The following MTHFD1 variants were observed in gnomAD, a reference collection of about 807,000 sequenced individuals.
MTHFD1 encodes C-1-tetrahydrofolate synthase, cytoplasmic.
A neutral mutation model predicts 110.3 loss-of-function variants in MTHFD1; 44 were observed. That is an observed-to-expected ratio of 0.40 (90% CI 0.31 to 0.51). MTHFD1 has a LOEUF of 0.51. Ranked by LOEUF, MTHFD1 falls within the 20% of genes least tolerant of loss-of-function variation. The pLI is 0.60. For synonymous variants in MTHFD1, 402 were observed against 428.8 expected, an observed-to-expected ratio of 0.94 and a Z score of 0.77; for missense variants, 909 against 1,173.1, an observed-to-expected ratio of 0.77 and a Z score of 3.29.
At chr14:64,404,797 C>T (rs2077924703) in intron 2 of MTHFD1, among the ~76,000 whole-genome samples, 1 of 152,014 alleles carries the variant, frequency 6.6e-6, no homozygotes, top group South Asian at 2.1e-4. Context: ...ATGGTGAGAA[C>T]TCATCTCTAC....
intron 1 of MTHFD1, among the ~76,000 whole-genome samples, chr14:64,393,986 C>T (rs1323104421): frequency 1.3e-5 from 2 of 152,018 alleles, no homozygotes; most frequent in Admixed American, 1.3e-4. Context: ...CTGACGTTGC[C>T]CCAAGGATTA....
At chr14:64,420,296 G>A (rs936778431) in intron 8 of MTHFD1, among the ~76,000 whole-genome samples, 1 of 152,146 alleles carries the variant, frequency 6.6e-6, no homozygotes, top group African/African-American at 2.4e-5. Context: ...AGTGCTATGA[G>A]AGTCCAGAAG....
intron 8 of MTHFD1, chr14:64,424,168 A>T: frequency 6.3e-6 from 1 of 157,920 alleles, no homozygotes; most frequent in South Asian, 1.9e-4. Flanking sequence ...CACTGAAGCC[A>T]AGTGTAGGAT....
At chr14:64,396,025 A>T (rs1000382194) in intron 1 of MTHFD1, among the ~76,000 whole-genome samples, 7 of 152,224 alleles carry the variant, frequency 4.6e-5, no homozygotes, top group African/African-American at 1.4e-4. Flanking sequence ...GAAGAACTTT[A>T]CATTATAAAC....
Position 64,431,839 on chromosome 14 carries a change from A to C in MTHFD1, c.1472A>C (p.Asp491Ala), listed in dbSNP as rs2078162845. 1 of 1,614,072 alleles carries C rather than the reference A, an allele frequency of 6.2e-7. No individual in the cohort carries two copies. ...PSVNGVRRFS[D>A]IQIRRLKRLG... ...GTAAATGGAGTGAGAAGGTTCTCTG[A>C]CATCCAAATCCGAAGGTTAAAGGTA... Residue 491 changes from aspartate to alanine, a missense_variant, in exon 15 of 28, where the codon GAC (aspartate) becomes GCC (alanine). Physicochemically the swap from Asp to Ala is moderately radical, Grantham distance 126. This residue lies in a region of MTHFD1 where 482 missense variants were observed against 646.0 expected (regional missense o/e 0.75). Coordinates refer to ENST00000652337, the MANE Select transcript of MTHFD1 (RefSeq NM_005956.4).
chr14:64,389,711 A>G lies in MTHFD1; in HGVS notation c.41+1243A>G, dbSNP rs560834869. Among the ~76,000 whole-genome samples the G allele has an allele frequency of 6.2e-5, 9 of 145,724 alleles. No individual in the cohort carries two copies. In the South Asian group the frequency reaches 1.5e-3, roughly 25 times the overall value. On this transcript the variant is annotated intron_variant, in intron 1 of 27. Coordinates refer to ENST00000652337, the MANE Select transcript of MTHFD1 (RefSeq NM_005956.4). ...CAACAAGAGCGAAACTCCGTCTAAG[A>G]AAAAAAAAAAAAGAAATCACAATAC...
At chr14:64,413,493 G>A (rs2078001708) in intron 4 of MTHFD1, among the ~76,000 whole-genome samples, 1 of 152,160 alleles carries the variant, frequency 6.6e-6, no homozygotes, top group Non-Finnish European at 1.5e-5. Flanking sequence ...GCCTGTAGGT[G>A]GGAGATTAAT....
chr14:64,406,687 C>G (rs1262550446), intron 2 of MTHFD1, among the ~76,000 whole-genome samples: 2 of 151,930 alleles, frequency 1.3e-5, no homozygotes, highest in Non-Finnish European at 2.9e-5. Context: ...ATTGCCCAGG[C>G]TAGTCTCAGA....
chr14:64,407,213 CCCA>C (rs1489801585), intron 2 of MTHFD1, among the ~76,000 whole-genome samples: 2 of 152,042 alleles, frequency 1.3e-5, no homozygotes, highest in African/African-American at 2.4e-5. Context: ...CGCCTGTAAT[CCCA>C]CCACTTTAGG....
Position 64,426,138 on chromosome 14 carries a change from C to T in MTHFD1, c.1073C>T (p.Ser358Leu), listed in dbSNP as rs775706361. 5.0e-6 allele frequency: 8 copies of T among 1,614,152 alleles called. No individual in the cohort carries two copies. The highest frequency in any genetic ancestry group is 5.9e-6 in the Non-Finnish European group (7 of 1,180,028). Residue 358 changes from serine to leucine, a missense_variant, in exon 11 of 28, where the codon TCA (serine) becomes TTA (leucine). By Grantham distance (145) the Ser-to-Leu change is moderately radical. This residue lies in a region of MTHFD1 where 424 missense variants were observed against 510.4 expected (regional missense o/e 0.83). Coordinates refer to ENST00000652337, the MANE Select transcript of MTHFD1 (RefSeq NM_005956.4). Reference protein sequence around the residue: ...YGETKAKVLLSALERLKHRPD... With the variant: ...YGETKAKVLLLALERLKHRPD... ...GAAACAAAGGCCAAAGTTCTGCTGT[C>T]AGCACTAGAACGCCTGAAGCACCGG...
At chr14:64,458,180 A>G (rs776294336) in intron 26 of MTHFD1, 34 bp from the exon 27 acceptor site, 5 of 1,494,112 alleles carry the variant, frequency 3.3e-6, no homozygotes, top group Non-Finnish European at 4.7e-6. Context: ...TGTGCCCAGC[A>G]TTAGTTTATT....
intron 2 of MTHFD1, among the ~76,000 whole-genome samples, chr14:64,410,319 T>G (rs2077972514): frequency 6.6e-6 from 1 of 151,868 alleles, no homozygotes; most frequent in African/African-American, 2.4e-5. Context: ...GGAAAAACTC[T>G]TGACCTCAAG....
chr14:64,397,138 A>AATATAT (rs1182197415), intron 1 of MTHFD1, among the ~76,000 whole-genome samples: 1 of 11,946 alleles, frequency 8.4e-5, no homozygotes, highest in Non-Finnish European at 1.4e-4. Flanking sequence ...AAAAAAAAAA[A>AATATAT]ATATATATAT....
At chr14:64,431,970 T>C in intron 15 of MTHFD1, 109 bp downstream of exon 15, 3 of 904,522 alleles carry the variant, frequency 3.3e-6, no homozygotes, top group Non-Finnish European at 5.4e-6. Context: ...TGAAGTTACA[T>C]CAGTAATCAT....
At chr14:64,448,890 C>T (rs944051315) in intron 23 of MTHFD1, among the ~76,000 whole-genome samples, 10 of 151,950 alleles carry the variant, frequency 6.6e-5, no homozygotes, top group African/African-American at 2.2e-4. Context: ...AGCTCTGCCT[C>T]CCGGGTTCAT....
intron 1 of MTHFD1, among the ~76,000 whole-genome samples, chr14:64,395,749 G>T (rs907722449): frequency 1.3e-5 from 2 of 152,068 alleles, no homozygotes; most frequent in African/African-American, 4.8e-5. Context: ...GACTGGTGCC[G>T]AGCATCCTGC....
At chr14:64,406,302 G>C (rs1308031135) in intron 2 of MTHFD1, among the ~76,000 whole-genome samples, 1 of 151,774 alleles carries the variant, frequency 6.6e-6, no homozygotes, top group Admixed American at 6.6e-5. Flanking sequence ...GCCTCTCAAA[G>C]TGCTAGGATT....
chr14:64,398,388 A>G (rs907663773), intron 1 of MTHFD1, among the ~76,000 whole-genome samples: 13 of 152,104 alleles, frequency 8.5e-5, no homozygotes, highest in Non-Finnish European at 2.9e-5. Context: ...TCTACAAAAA[A>G]TACAAAAATT....
At chr14:64,451,594 C>A (rs2078373619) in intron 24 of MTHFD1, among the ~76,000 whole-genome samples, 1 of 152,174 alleles carries the variant, frequency 6.6e-6, no homozygotes. Flanking sequence ...TTATAGGCAC[C>A]CTCTCCAGGC....
Sources: allele counts gnomAD v4.1 joint callset (sites outside exome capture counted in the v4.1 genomes callset), GRCh38; gene constraint gnomAD v4.1.1; regional missense constraint gnomAD v4.1.1; transcripts MANE v1.5; gene names NCBI Gene and HGNC (gene_info 2026-07-23, HGNC 2026-07-21).